The following EEFSEC variants were observed in gnomAD, a reference collection of about 807,000 sequenced individuals.
The protein encoded by EEFSEC is eukaryotic elongation factor, selenocysteine-tRNA specific.
A neutral mutation model predicts 42.1 loss-of-function variants in EEFSEC; 43 were observed. The ratio of observed to expected loss-of-function variants is 1.02; its 90% CI spans 0.80 to 1.32. The LOEUF (loss-of-function observed/expected upper bound fraction) is 1.32. Ranked by LOEUF, EEFSEC falls within the 40% of genes most tolerant of loss-of-function variation. EEFSEC has a pLI of 0.00. For synonymous variants in EEFSEC, 354 were observed against 339.1 expected (o/e 1.04, Z -0.48); for missense variants, 745 against 803.6 (o/e 0.93, Z 0.88).
chr3:128,419,108 G>A, the EEFSEC span, among the ~76,000 whole-genome samples: 1 of 152,214 alleles, frequency 6.6e-6, no homozygotes, highest in Non-Finnish European at 1.5e-5. Context: ...ATGCTATTAG[G>A]AGTGGACTTC....
intron 1 of EEFSEC, 146 bp from the exon 2 acceptor site, chr3:128,246,690 C>G (rs1441267535): frequency 1.2e-6 from 1 of 843,046 alleles, no homozygotes; most frequent in Admixed American, 2.1e-5. Context: ...GTGCCTAGCA[C>G]AGGGCCTGTA....
intron 5 of EEFSEC, among the ~76,000 whole-genome samples, chr3:128,350,596 G>A (rs73201467): frequency 6.6e-6 from 1 of 152,244 alleles, no homozygotes; most frequent in Non-Finnish European, 1.5e-5. Context: ...GTATCAGGCT[G>A]TGATAGCTAA....
Position 128,246,928 on chromosome 3 carries a change from G to T in EEFSEC, c.409G>T (p.Ala137Ser). The T allele has an allele frequency of 6.2e-7, 1 of 1,614,218 alleles. No individual in the cohort carries two copies. Among genetic ancestry groups the T allele is most frequent in the South Asian group, 1.1e-5 (1 of 91,084 alleles). ...SAECLVIGQI[A>S]CQKLVVVLNK... ...GGAATGCCTTGTGATCGGCCAGATT[G>T]CCTGCCAGAAGCTGGTCGTGGTGCT... is the stretch of plus-strand genomic sequence containing the variant. Residue 137 changes from alanine to serine, a missense_variant, in exon 2 of 7, where the codon GCC (alanine) becomes TCC (serine). Coordinates refer to ENST00000254730, the MANE Select transcript of EEFSEC (RefSeq NM_021937.5).
At chr3:128,195,122 A>G (rs1386341234) in intron 1 of EEFSEC, among the ~76,000 whole-genome samples, 3 of 152,040 alleles carry the variant, frequency 2.0e-5, no homozygotes, top group African/African-American at 7.2e-5. Flanking sequence ...ATCTTCGCCT[A>G]AAGTCTGGTG....
At chr3:128,425,637 C>G in the EEFSEC span, among the ~76,000 whole-genome samples, 1 of 152,216 alleles carries the variant, frequency 6.6e-6, no homozygotes, top group African/African-American at 2.4e-5. Context: ...ACATTCCCAT[C>G]GGGCACCCAC....
chr3:128,354,640 G>A (rs1159413508), intron 5 of EEFSEC, among the ~76,000 whole-genome samples: 1 of 152,222 alleles, frequency 6.6e-6, no homozygotes, highest in Non-Finnish European at 1.5e-5. Flanking sequence ...AAGCCCTGGA[G>A]CTTTTTGAAG....
intron 1 of EEFSEC, among the ~76,000 whole-genome samples, chr3:128,157,305 G>T (rs1408671799): frequency 6.6e-6 from 1 of 152,208 alleles, no homozygotes; most frequent in Non-Finnish European, 1.5e-5. Flanking sequence ...GAACATAAAT[G>T]TACAAGATGA....
intron 6 of EEFSEC, among the ~76,000 whole-genome samples, chr3:128,381,579 G>A (rs1013164465): frequency 3.9e-5 from 6 of 152,202 alleles, no homozygotes; most frequent in Admixed American, 2.0e-4. Context: ...TCACCTCTGC[G>A]TGCCAACCCT....
chr3:128,397,049 T>C (rs1315223508), intron 6 of EEFSEC, among the ~76,000 whole-genome samples: 1 of 152,222 alleles, frequency 6.6e-6, no homozygotes, highest in Non-Finnish European at 1.5e-5. Context: ...ACCCTGGGCC[T>C]CTGCCCTGGA....
At chr3:128,384,873 G>T (rs1214052825) in intron 6 of EEFSEC, among the ~76,000 whole-genome samples, 1 of 152,186 alleles carries the variant, frequency 6.6e-6, no homozygotes, top group African/African-American at 2.4e-5. Context: ...CCAAAGTGGT[G>T]CAGGGCTGTC....
chr3:128,326,614 C>T (rs1037949342), intron 4 of EEFSEC, among the ~76,000 whole-genome samples: 1 of 152,202 alleles, frequency 6.6e-6, no homozygotes, highest in African/African-American at 2.4e-5. Flanking sequence ...CCTCCCAGCA[C>T]CTGACCCCTC....
intron 2 of EEFSEC, among the ~76,000 whole-genome samples, chr3:128,255,799 T>C (rs1373773678): frequency 6.6e-6 from 1 of 151,928 alleles, no homozygotes. Context: ...TCTGGGGCTG[T>C]AGGAGTCTCT....
chr3:128,376,457 G>C (rs762049561), intron 6 of EEFSEC, among the ~76,000 whole-genome samples: 1 of 152,154 alleles, frequency 6.6e-6, no homozygotes, highest in Non-Finnish European at 1.5e-5. Context: ...TGGACTGCTG[G>C]GGTTTCTTCC....
intron 1 of EEFSEC, among the ~76,000 whole-genome samples, chr3:128,202,136 T>G (rs1246856283): frequency 6.6e-6 from 1 of 152,214 alleles, no homozygotes; most frequent in Non-Finnish European, 1.5e-5. Flanking sequence ...CCTCCAACTT[T>G]GTTCTTTTCC....
chr3:128,312,167 C>A (rs1361675579), intron 4 of EEFSEC, among the ~76,000 whole-genome samples: 1 of 152,244 alleles, frequency 6.6e-6, no homozygotes, highest in African/African-American at 2.4e-5. Flanking sequence ...AAAGACCCCA[C>A]TATGTGGCAG....
At chr3:128,410,960 C>T (rs1362538798), downstream of EEFSEC, among the ~76,000 whole-genome samples, 1 of 152,136 alleles carries the variant, frequency 6.6e-6, no homozygotes, top group African/African-American at 2.4e-5. Context: ...CAGCCCAGGG[C>T]GACTCCCAGG....
intron 6 of EEFSEC, among the ~76,000 whole-genome samples, chr3:128,372,423 G>C (rs552964182): frequency 3.3e-4 from 51 of 152,264 alleles, no homozygotes; most frequent in African/African-American, 9.6e-4. Flanking sequence ...TGTGCCAGCA[G>C]CAGGAAACTC....
At chr3:128,188,225 A>G (rs1214981428) in intron 1 of EEFSEC, among the ~76,000 whole-genome samples, 1 of 152,164 alleles carries the variant, frequency 6.6e-6, no homozygotes, top group Non-Finnish European at 1.5e-5. Flanking sequence ...CTGGGAGACT[A>G]GCTCTAGGTA....
chr3:128,251,158 C>T (rs2066182905), intron 2 of EEFSEC, among the ~76,000 whole-genome samples: 1 of 152,080 alleles, frequency 6.6e-6, no homozygotes, highest in Non-Finnish European at 1.5e-5. Context: ...GAGGCATGTA[C>T]ATTTTTATTT....
Sources: gnomAD v4.1 joint callset for allele counts (sites outside exome capture counted in the v4.1 genomes callset) on GRCh38, gnomAD v4.1.1 for gene constraint, MANE v1.5 for transcripts, NCBI Gene and HGNC (gene_info 2026-07-23, HGNC 2026-07-21) for gene names.